The following ALDH7A1 variants were observed in gnomAD, a reference collection of about 807,000 sequenced individuals.
ALDH7A1 encodes aldehyde dehydrogenase 7 family member A1, also known as alpha-aminoadipic semialdehyde dehydrogenase.
Under a neutral mutation model 79.9 loss-of-function variants are expected in ALDH7A1, and 63 were observed. The ratio of observed to expected loss-of-function variants is 0.79; its 90% CI spans 0.64 to 0.97. The LOEUF (loss-of-function observed/expected upper bound fraction) is 0.97, where lower values mean the gene tolerates loss of function less well. Among genes scored for constraint, ALDH7A1 ranks in the 50% least tolerant of loss-of-function variants. The pLI, the probability that ALDH7A1 is intolerant of heterozygous loss-of-function variation, is 0.00. For synonymous variants in ALDH7A1, 240 were observed against 231.2 expected (o/e 1.04, Z -0.34); for missense variants, 627 against 665.2 (o/e 0.94, Z 0.63).
At chr5:126,570,990 C>T in intron 7 of ALDH7A1, 131 bp from the exon 8 acceptor site, 1 of 836,182 alleles carries the variant, frequency 1.2e-6, no homozygotes, top group South Asian at 1.4e-5. Context: ...TACTCTCTTG[C>T]TTTTTCAGCC....
rs1750750524 is a variant in ALDH7A1, at chr5:126,570,987, T to C, written c.696-128A>G. On this transcript the variant is annotated intron_variant, in intron 7 of 17. Transcript: ENST00000409134. ...CCCATCCCTCAAATATACTACTCTC[T>C]TGCTTTTTCAGCCCACTTTTCAATT... The C allele has an allele frequency of 1.9e-5, 17 of 887,066 alleles. No homozygotes were observed. In the South Asian group the frequency reaches 2.2e-4, roughly 11 times the overall value. 54.9% of individuals were successfully genotyped at this position (887,066 alleles called of 1,614,324 possible).
chr5:126,594,650 C>T (rs1378910600), intron 1 of ALDH7A1, among the ~76,000 whole-genome samples: 1 of 151,760 alleles, frequency 6.6e-6, no homozygotes, highest in Non-Finnish European at 1.5e-5. Context: ...TTCTCCATGT[C>T]GGTCAGGCTG....
intron 2 of ALDH7A1, among the ~76,000 whole-genome samples, 190 bp from the exon 3 acceptor site, chr5:126,592,919 C>A (rs549469021): frequency 4.5e-4 from 69 of 152,254 alleles, no homozygotes; most frequent in African/African-American, 1.6e-3. Flanking sequence ...GGTTGGTATC[C>A]AACTATGCTT....
chr5:126,580,764 C>T (rs955509569), intron 5 of ALDH7A1, among the ~76,000 whole-genome samples: 11 of 152,130 alleles, frequency 7.2e-5, no homozygotes, highest in Non-Finnish European at 1.3e-4. Flanking sequence ...TGCAGACATA[C>T]AGTCACCTGT....
chr5:126,572,092 T>G (rs17154666), intron 7 of ALDH7A1, among the ~76,000 whole-genome samples: 1 of 152,240 alleles, frequency 6.6e-6, no homozygotes, highest in Non-Finnish European at 1.5e-5. Flanking sequence ...TCCATTCATT[T>G]TGAGTTTCCA....
intron 6 of ALDH7A1, among the ~76,000 whole-genome samples, chr5:126,576,482 C>G (rs1259444251): frequency 6.6e-6 from 1 of 152,138 alleles, no homozygotes; most frequent in Non-Finnish European, 1.5e-5. Context: ...TATTTAATTT[C>G]TTCCACTGAA....
intron 5 of ALDH7A1, among the ~76,000 whole-genome samples, chr5:126,580,597 T>TA (rs922573450): frequency 1.4e-5 from 2 of 148,032 alleles, no homozygotes; most frequent in African/African-American, 5.2e-5. Context: ...TATGATTTTT[T>TA]AAAAAATATT....
intron 1 of ALDH7A1, chr5:126,594,307 A>C: frequency 2.1e-6 from 1 of 470,176 alleles, no homozygotes; most frequent in South Asian, 1.5e-5. Flanking sequence ...TTAAAACTAC[A>C]CTGAAGAACG....
At chr5:126,545,131 G>T in intron 17 of ALDH7A1, 112 bp from the exon 18 acceptor site, 2 of 799,620 alleles carry the variant, frequency 2.5e-6, no homozygotes, top group Non-Finnish European at 2.1e-6. Context: ...AGATCTCCAA[G>T]TTACAACTTT....
chr5:126,593,308 A>C (rs898655360), intron 2 of ALDH7A1, 43 bp downstream of exon 2: 64 of 1,547,006 alleles, frequency 4.1e-5, no homozygotes, highest in Non-Finnish European at 4.0e-5. Flanking sequence ...ATTTGAATTA[A>C]ACACACACAC....
chr5:126,549,846 C>T (rs1289486340), intron 16 of ALDH7A1, 83 bp downstream of exon 16: 1 of 1,237,030 alleles, frequency 8.1e-7, no homozygotes, highest in Non-Finnish European at 1.2e-6. Context: ...GTGTTTCAGT[C>T]TCTTGGTCAG....
At position 126,546,355 on chromosome 5, in the gene ALDH7A1, C is replaced by T. The variant is rs771651423; in HGVS notation, c.1534G>A (p.Ala512Thr). The T allele has an allele frequency of 6.2e-7, 1 of 1,614,200 alleles. No homozygotes were observed. The highest frequency in any genetic ancestry group is 1.1e-5 in the South Asian group (1 of 91,084). The change falls in exon 17 of 18, where the codon GCC becomes ACC. Residue 512 changes from alanine to threonine, a missense_variant. Physicochemically the swap from Ala to Thr is moderately conservative, Grantham distance 58. Transcript: ENST00000409134. ...TGGGRESGSD[A>T]WKQYMRRSTC... ...GACCTTCTCATGTACTGTTTCCAGG[C>T]ATCACTGCCAGACTCCCTGCCACCA...
chr5:126,577,391 A>G (rs1040988538), intron 5 of ALDH7A1, among the ~76,000 whole-genome samples, 180 bp from the exon 6 acceptor site: 2 of 152,218 alleles, frequency 1.3e-5, no homozygotes, highest in African/African-American at 4.8e-5. Context: ...TTATTACCAC[A>G]CTACCTTGTA....
chr5:126,561,022 T>C, intron 10 of ALDH7A1, 61 bp downstream of exon 10: 1 of 1,570,466 alleles, frequency 6.4e-7, no homozygotes, highest in Non-Finnish European at 8.8e-7. Context: ...GTTCCATATA[T>C]TCAGGATGGC....
intron 10 of ALDH7A1, 53 bp from the exon 11 acceptor site, chr5:126,559,387 A>G: frequency 8.3e-7 from 1 of 1,203,998 alleles, no homozygotes. Flanking sequence ...TAGACAAGGT[A>G]TTTGTTAGCT....
In ALDH7A1 at chr5:126,583,001, T is replaced by C. The variant is rs753472396; in HGVS notation, c.394-27A>G. On this transcript the variant is annotated intron_variant, in intron 4 of 17. Transcript: ENST00000409134. ...TAGAAATATAAAACGACAAGCAGAA[T>C]TTTTCCAACAGAATTCACATTATAA... 3.0e-5 allele frequency: 49 copies of C among 1,613,700 alleles called. 1 individual carries two copies. Among genetic ancestry groups the C allele is most frequent in the Non-Finnish European group, 3.7e-5 (44 of 1,179,788 alleles).
chr5:126,578,416 G>A (rs529640135), intron 5 of ALDH7A1, among the ~76,000 whole-genome samples: 2 of 152,184 alleles, frequency 1.3e-5, no homozygotes, highest in South Asian at 2.1e-4. Context: ...ATGCTGGGAC[G>A]GGAGAATCAC....
In ALDH7A1 at chr5:126,592,713, T is replaced by A. The variant is rs376294954; in HGVS notation, c.263A>T (p.Tyr88Phe). The A allele has an allele frequency of 1.1e-5, 18 of 1,613,892 alleles. No individual in the cohort carries two copies. The highest frequency in any genetic ancestry group is 1.5e-5 in the Non-Finnish European group (18 of 1,179,968). ...ARVRQASVAD[Y>F]EETVKKAREA... ...TCTTGCTTTCTTTACAGTTTCTTCA[T>A]AGTCTGCCACACTGGCCTAAATTAA... The change falls in exon 3 of 18, where the codon TAT becomes TTT. Residue 88 changes from tyrosine to phenylalanine, a missense_variant. Tyr to Phe is a conservative substitution (Grantham distance 22). Transcript: ENST00000409134.
At chr5:126,590,073 A>C (rs970853262) in intron 3 of ALDH7A1, among the ~76,000 whole-genome samples, 67 of 131,038 alleles carry the variant, frequency 5.1e-4, no homozygotes, top group African/African-American at 2.0e-3. Context: ...GCCTCTGCCC[A>C]GCTGCCACTG....
Sources: allele counts gnomAD v4.1 joint callset (sites outside exome capture counted in the v4.1 genomes callset), GRCh38; gene constraint gnomAD v4.1.1; transcripts MANE v1.5; gene names NCBI Gene and HGNC (gene_info 2026-07-23, HGNC 2026-07-21).